TSPAN14: variants seen among roughly 807,000 people sequenced by gnomAD.
TSPAN14 encodes the protein tetraspanin-14.
TSPAN14 carries 16 observed loss-of-function variants against 36.6 expected under a neutral mutation model. That is an observed-to-expected ratio of 0.44 (90% CI 0.30 to 0.66). The LOEUF is 0.66. TSPAN14 is among the 30% of genes least tolerant of loss of function. The pLI, the probability that TSPAN14 is intolerant of heterozygous loss-of-function variation, is 0.12. For missense variants in TSPAN14, 231 were observed against 355.1 expected (o/e 0.65, Z 2.81); for synonymous variants, 139 against 143.8 (o/e 0.97, Z 0.24).
Position 80,514,146 on chromosome 10 carries a change from A to C in TSPAN14, c.621+83A>C, listed in dbSNP as rs1032749426. ...CAACATTCTGATTTAGCACGAGTGC[A>C]AATTGAAGTGGGAAAACTCAGGGCA... is the stretch of plus-strand genomic sequence containing the variant. On this transcript the variant is annotated intron_variant, in intron 7 of 8. Coordinates refer to ENST00000429989, the Ensembl canonical transcript of TSPAN14. The C allele has an allele frequency of 2.2e-6, 3 of 1,340,238 alleles. No homozygotes were observed. In the African/African-American group the frequency reaches 4.3e-5, roughly 19 times the overall value. The allele number at this position is 1,340,238 out of a possible 1,614,324, so 83.0% of individuals were successfully genotyped here.
At chr10:80,511,764 C>A (rs1296603498) in intron 5 of TSPAN14, among the ~76,000 whole-genome samples, 4 of 122,942 alleles carry the variant, frequency 3.3e-5, no homozygotes, top group Non-Finnish European at 6.8e-5. Flanking sequence ...CTCTCTCTCT[C>A]TCTCTCTCCC....
At chr10:80,476,640 A>C (rs1355019732) in intron 1 of TSPAN14, among the ~76,000 whole-genome samples, 2 of 151,580 alleles carry the variant, frequency 1.3e-5, no homozygotes, top group Non-Finnish European at 2.9e-5. Context: ...TGGTCTCGAT[A>C]TCCTGACCTC....
At chr10:80,477,653 C>T (rs938280527) in intron 1 of TSPAN14, among the ~76,000 whole-genome samples, 4 of 152,156 alleles carry the variant, frequency 2.6e-5, no homozygotes, top group Admixed American at 2.6e-4. Context: ...GCAGCTAATG[C>T]AGTTACATCC....
At chr10:80,456,335 G>A (rs909268271) in intron 1 of TSPAN14, among the ~76,000 whole-genome samples, 4 of 152,302 alleles carry the variant, frequency 2.6e-5, no homozygotes, top group South Asian at 4.1e-4. Context: ...CTGCAGAATG[G>A]TTGGCTGCCC....
intron 1 of TSPAN14, among the ~76,000 whole-genome samples, chr10:80,481,823 C>T (rs573611429): frequency 1.3e-5 from 2 of 151,490 alleles, no homozygotes; most frequent in African/African-American, 4.8e-5. Flanking sequence ...CTCGCTCTGT[C>T]GCTCACTGCA....
intron 1 of TSPAN14, among the ~76,000 whole-genome samples, chr10:80,480,032 G>T (rs1319621632): frequency 2.1e-5 from 3 of 142,462 alleles, no homozygotes; most frequent in Non-Finnish European, 1.5e-5. Context: ...TGGATTCCTA[G>T]GTATTTTCTT....
intron 1 of TSPAN14, among the ~76,000 whole-genome samples, chr10:80,483,160 G>C (rs1847387018): frequency 6.6e-6 from 1 of 152,182 alleles, no homozygotes; most frequent in Non-Finnish European, 1.5e-5. Flanking sequence ...TGAAGCCAAG[G>C]AGCCCTGTTT....
intron 6 of TSPAN14, among the ~76,000 whole-genome samples, chr10:80,512,753 G>C (rs1840726745): frequency 6.6e-6 from 1 of 152,128 alleles, no homozygotes; most frequent in Non-Finnish European, 1.5e-5. Context: ...GAGTGTAGTG[G>C]CATGATCTTG....
intron 1 of TSPAN14, among the ~76,000 whole-genome samples, chr10:80,456,433 A>C (rs1845737743): frequency 6.6e-6 from 1 of 152,180 alleles, no homozygotes; most frequent in Non-Finnish European, 1.5e-5. Context: ...TGGCAGTATG[A>C]AGTGGGAGAG....
intron 1 of TSPAN14, among the ~76,000 whole-genome samples, chr10:80,487,506 T>C (rs1847676947): frequency 6.6e-6 from 1 of 152,140 alleles, no homozygotes; most frequent in Non-Finnish European, 1.5e-5. Flanking sequence ...TTGAGGATGC[T>C]GAGGTCCTGA....
intron 2 of TSPAN14, among the ~76,000 whole-genome samples, chr10:80,493,745 G>A (rs1326731600): frequency 6.6e-6 from 1 of 152,216 alleles, no homozygotes. Context: ...AGGAGCCCGG[G>A]AAGGGAAGAT....
At chr10:80,514,100 TAG>T in intron 7 of TSPAN14, 37 bp downstream of exon 7, 1 of 1,568,990 alleles carries the variant, frequency 6.4e-7, no homozygotes, top group East Asian at 2.2e-5. Flanking sequence ...AAGAGTTCTT[TAG>T]GTTTTATTCC....
chr10:80,457,664 A>G (rs1252311040), intron 1 of TSPAN14, among the ~76,000 whole-genome samples: 1 of 152,172 alleles, frequency 6.6e-6, no homozygotes, highest in East Asian at 1.9e-4. Context: ...GGCACATAGC[A>G]GGTACCCCGG....
chr10:80,484,547 T>TA (rs1165663950), intron 1 of TSPAN14, among the ~76,000 whole-genome samples: 16 of 152,202 alleles, frequency 1.1e-4, no homozygotes, highest in Admixed American at 1.0e-3. Flanking sequence ...TTCCATTTGT[T>TA]ACGTTATTCT....
chr10:80,506,025 G>C (rs1330695739), intron 3 of TSPAN14, among the ~76,000 whole-genome samples: 1 of 152,236 alleles, frequency 6.6e-6, no homozygotes, highest in Non-Finnish European at 1.5e-5. Flanking sequence ...AGGCCGGAGC[G>C]CAGTGGCTGG....
At chr10:80,457,376 A>T (rs1371847480) in intron 1 of TSPAN14, among the ~76,000 whole-genome samples, 2 of 152,048 alleles carry the variant, frequency 1.3e-5, no homozygotes, top group African/African-American at 4.8e-5. Context: ...TTTAGTAGAG[A>T]TGGGGTTTCA....
chr10:80,455,440 C>T (rs1318132929), intron 1 of TSPAN14, among the ~76,000 whole-genome samples: 1 of 152,094 alleles, frequency 6.6e-6, no homozygotes, highest in African/African-American at 2.4e-5. Flanking sequence ...CAGTGGTCTG[C>T]TCTCCAGGGG....
Position 80,461,099 on chromosome 10 carries a change from T to C in TSPAN14, c.-18+6728T>C, listed in dbSNP as rs77039130. Among the ~76,000 whole-genome samples, 5 of 152,238 alleles carry C rather than the reference T, an allele frequency of 3.3e-5. No homozygotes were observed. In the East Asian group the frequency reaches 7.8e-4, roughly 24 times the overall value. ...CCCTGCCTCCAGCCTACCTTGTTCCTCCTCCATGAGTGAGGCTCCTCCTTT... is the reference window on the plus strand; with the variant it reads ...CCCTGCCTCCAGCCTACCTTGTTCCCCCTCCATGAGTGAGGCTCCTCCTTT... On this transcript the variant is annotated intron_variant, in intron 1 of 8. Transcript: ENST00000429989.
chr10:80,505,283 C>T (rs1218764818), intron 3 of TSPAN14, among the ~76,000 whole-genome samples: 2 of 152,148 alleles, frequency 1.3e-5, no homozygotes, highest in Non-Finnish European at 2.9e-5. Context: ...GAGTGGAGAC[C>T]TGGCTCCTAC....
Sources: allele counts gnomAD v4.1 joint callset (sites outside exome capture counted in the v4.1 genomes callset), GRCh38; gene constraint gnomAD v4.1.1; transcripts MANE v1.5; gene names NCBI Gene and HGNC (gene_info 2026-07-23, HGNC 2026-07-21).